RBFOX3: variants seen among roughly 807,000 people sequenced by gnomAD.
The protein encoded by RBFOX3 is RNA binding fox-1 homolog 3.
In RBFOX3, 17 loss-of-function variants were observed where a neutral mutation model predicts 48.7. The observed-to-expected ratio is 0.35, with a 90% CI of 0.24 to 0.52. The LOEUF (loss-of-function observed/expected upper bound fraction) is 0.52, where lower values mean the gene tolerates loss of function less well. Among genes scored for constraint, RBFOX3 ranks in the 20% least tolerant of loss-of-function variants. The pLI is 0.94. For missense variants in RBFOX3, 382 were observed against 497.5 expected (o/e 0.77, Z 2.21); for synonymous variants, 212 against 209.5 (o/e 1.01, Z -0.10).
rs114744102 is a variant in RBFOX3, at chr17:79,111,269, C to T, written c.222+4225G>A. Among the ~76,000 whole-genome samples, 312 of 152,300 alleles carry T rather than the reference C, an allele frequency of 2.0e-3. 1 individual carries two copies. The highest frequency in any genetic ancestry group is 7.2e-3 in the African/African-American group (298 of 41,578). On this transcript the variant is annotated intron_variant, in intron 5 of 14. Transcript: ENST00000693108. This position sits in a 1 kb window ranked among gnomAD's most constrained non-coding sequence, Gnocchi z 4.2. ...TCCCCAGCAGGCAGTGAGGGAGGTG[C>T]TGGCCCCTCAGACATCAGGCCCTTG...
intron 1 of RBFOX3, among the ~76,000 whole-genome samples, chr17:79,530,777 G>A (rs1018378227): frequency 5.3e-5 from 8 of 152,138 alleles, no homozygotes; most frequent in South Asian, 2.1e-4. Context: ...CCCACATGCC[G>A]CGGGACCACA....
rs141507487 is a variant in RBFOX3 at position 79,418,523 on chromosome 17, A to T, written c.-175+63931T>A. 7.2e-4 allele frequency among the ~76,000 whole-genome samples: 110 copies of T among 152,350 alleles called. No homozygotes were observed. Among genetic ancestry groups the T allele is most frequent in the African/African-American group, 2.1e-3 (88 of 41,582 alleles). ...TCTGGCCAAGAGCAAGAAGAAAGGC[A>T]CAGACATAGATGCCCAGACATGTGA... On this transcript the variant is annotated intron_variant, in intron 2 of 14. Coordinates refer to ENST00000693108, the MANE Select transcript of RBFOX3 (RefSeq NM_001350451.2). The surrounding 1 kb of genome is among the most constrained non-coding windows in gnomAD (Gnocchi z 5.0).
chr17:79,166,318 G>A (rs373660604), intron 4 of RBFOX3, among the ~76,000 whole-genome samples: 11 of 152,322 alleles, frequency 7.2e-5, no homozygotes, highest in African/African-American at 2.2e-4. Flanking sequence ...AAGGAGGCCC[G>A]GGCAGTTGTG....
At chr17:79,529,779 C>T (rs1017788369) in intron 1 of RBFOX3, among the ~76,000 whole-genome samples, 2 of 152,218 alleles carry the variant, frequency 1.3e-5, no homozygotes, top group Non-Finnish European at 2.9e-5. Flanking sequence ...CATCCTGCCC[C>T]CGTCCCCTGA....
intron 2 of RBFOX3, among the ~76,000 whole-genome samples, chr17:79,446,821 C>T (rs938632594): frequency 8.3e-6 from 1 of 119,834 alleles, no homozygotes; most frequent in Non-Finnish European, 2.0e-5. Context: ...CAGCCCTGCT[C>T]TGCAGGGGCA....
intron 4 of RBFOX3, among the ~76,000 whole-genome samples, chr17:79,217,519 A>G (rs1349025150): frequency 6.6e-6 from 1 of 152,194 alleles, no homozygotes; most frequent in Non-Finnish European, 1.5e-5. Context: ...CAAGAACTGA[A>G]CAAGACCCAG....
Position 79,482,196 on chromosome 17 carries a change from C to A in RBFOX3, c.-175+258G>T, listed in dbSNP as rs2149490314. Among the ~76,000 whole-genome samples the A allele has an allele frequency of 6.6e-6, 1 of 152,206 alleles. No homozygotes were observed. The highest frequency in any genetic ancestry group is 2.1e-4 in the South Asian group (1 of 4,814). On this transcript the variant is annotated intron_variant, in intron 2 of 14. Coordinates refer to ENST00000693108, the MANE Select transcript of RBFOX3 (RefSeq NM_001350451.2). The surrounding 1 kb of genome is among the most constrained non-coding windows in gnomAD (Gnocchi z 4.1). Reference sequence around the variant, plus strand: ...CACCCTCCTTCCAGGACTAACTGCCCCGCAGCCAGGCTGATGGGCTTCGAG... The same window carrying A: ...CACCCTCCTTCCAGGACTAACTGCCACGCAGCCAGGCTGATGGGCTTCGAG...
intron 1 of RBFOX3, among the ~76,000 whole-genome samples, chr17:79,525,285 C>CT (rs1599041488): frequency 6.6e-6 from 1 of 152,152 alleles, no homozygotes; most frequent in Non-Finnish European, 1.5e-5. Context: ...AAATGTCCCC[C>CT]CGGGGCAAAA....
chr17:79,388,031 T>C (rs1315860136), intron 2 of RBFOX3, among the ~76,000 whole-genome samples: 1 of 151,534 alleles, frequency 6.6e-6, no homozygotes, highest in Non-Finnish European at 1.5e-5. Context: ...CAAGTGGATA[T>C]GAACTTGTGT....
Position 79,121,750 on chromosome 17 carries a change from A to C in RBFOX3, c.-33-6002T>G, listed in dbSNP as rs2035794790. 2.0e-5 allele frequency among the ~76,000 whole-genome samples: 3 copies of C among 151,972 alleles called. No homozygotes were observed. In the South Asian group the frequency reaches 6.2e-4, roughly 32 times the overall value. On this transcript the variant is annotated intron_variant, in intron 4 of 14. Coordinates refer to ENST00000693108, the MANE Select transcript of RBFOX3 (RefSeq NM_001350451.2). ...ATTGCTGATTCCTGTCTATCTCTCC[A>C]ACATCTGGATACTGATGGGCCCCAA...
rs767423647 is a variant in RBFOX3 at position 79,361,038 on chromosome 17, A to G, written c.-174-53214T>C. On this transcript the variant is annotated intron_variant, in intron 2 of 14. Coordinates refer to ENST00000693108, the MANE Select transcript of RBFOX3 (RefSeq NM_001350451.2). The surrounding 1 kb of genome is among the most constrained non-coding windows in gnomAD (Gnocchi z 4.5). ...CTGGGAAGAACATCAGCTTTTGGAA[A>G]CAGAAGTTCACGTCTCAGGCAAAGG... is the stretch of plus-strand genomic sequence containing the variant. Among the ~76,000 whole-genome samples the G allele has an allele frequency of 6.6e-6, 1 of 152,132 alleles. No homozygotes were observed. The highest frequency in any genetic ancestry group is 1.5e-5 in the Non-Finnish European group (1 of 68,016).
At chr17:79,451,886 G>A (rs1201225230) in intron 2 of RBFOX3, among the ~76,000 whole-genome samples, 1 of 152,210 alleles carries the variant, frequency 6.6e-6, no homozygotes, top group African/African-American at 2.4e-5. Flanking sequence ...GTCTGGAGAC[G>A]CTTCCACAGA....
chr17:79,152,358 G>C (rs1366486894), intron 4 of RBFOX3, among the ~76,000 whole-genome samples: 4 of 152,152 alleles, frequency 2.6e-5, no homozygotes, highest in Non-Finnish European at 4.4e-5. Flanking sequence ...CTGCCTTCCA[G>C]AGAAATCAAA....
intron 5 of RBFOX3, among the ~76,000 whole-genome samples, chr17:79,115,011 G>C (rs777248617): frequency 9.2e-5 from 14 of 152,236 alleles, no homozygotes; most frequent in Non-Finnish European, 1.9e-4. Context: ...CAAGCAGGTA[G>C]ATTACAAGTG....
intron 4 of RBFOX3, among the ~76,000 whole-genome samples, chr17:79,208,104 GTCAC>G (rs1178252457): frequency 6.6e-6 from 1 of 151,962 alleles, no homozygotes; most frequent in Non-Finnish European, 1.5e-5. Context: ...CTTATTTACA[GTCAC>G]TGCAGAAACA....
At chr17:79,493,683 C>G (rs2149630773) in intron 1 of RBFOX3, among the ~76,000 whole-genome samples, 1 of 152,332 alleles carries the variant, frequency 6.6e-6, no homozygotes, top group Non-Finnish European at 1.5e-5. Flanking sequence ...CAGCCATGAC[C>G]TATGAAGGCT....
intron 5 of RBFOX3, among the ~76,000 whole-genome samples, chr17:79,108,713 A>T (rs2077913432): frequency 6.6e-6 from 1 of 152,236 alleles, no homozygotes; most frequent in African/African-American, 2.4e-5. Context: ...GCATTTCCGC[A>T]TGTAGCCAGA....
chr17:79,134,954 AG>A (rs2039836547), intron 4 of RBFOX3: 3 of 152,482 alleles, frequency 2.0e-5, no homozygotes, highest in African/African-American at 7.2e-5. Context: ...AGGAGGGGGC[AG>A]AGACTTGGTG....
Position 79,459,765 on chromosome 17 carries a change from G to A in RBFOX3, c.-175+22689C>T, listed in dbSNP as rs546472270. Among the ~76,000 whole-genome samples, 262 of 152,284 alleles carry A rather than the reference G, an allele frequency of 1.7e-3. 1 individual carries two copies. The highest frequency in any genetic ancestry group is 3.3e-3 in the Non-Finnish European group (226 of 68,016). ...ATGATGATGGTGAGGTTGGGGGAGAGGGGATTTAAGAGTGAGGGGTATGGG... is the reference window on the plus strand; with the variant it reads ...ATGATGATGGTGAGGTTGGGGGAGAAGGGATTTAAGAGTGAGGGGTATGGG... On this transcript the variant is annotated intron_variant, in intron 2 of 14. Coordinates refer to ENST00000693108, the MANE Select transcript of RBFOX3 (RefSeq NM_001350451.2).
Sources: gnomAD v4.1 joint callset for allele counts (sites outside exome capture counted in the v4.1 genomes callset) on GRCh38, gnomAD v4.1.1 for gene constraint, Gnocchi (gnomAD v3.1) non-coding constraint, MANE v1.5 for transcripts, NCBI Gene and HGNC (gene_info 2026-07-23, HGNC 2026-07-21) for gene names.